CYP19A1: variants seen among roughly 807,000 people sequenced by gnomAD.
The protein encoded by CYP19A1 is aromatase.
In CYP19A1, 32 loss-of-function variants were observed where a neutral mutation model predicts 44.4. The ratio of observed to expected loss-of-function variants is 0.72; its 90% CI spans 0.54 to 0.97. The LOEUF (loss-of-function observed/expected upper bound fraction) is 0.97, where lower values mean the gene tolerates loss of function less well. CYP19A1 is among the 50% of genes least tolerant of loss of function. The probability of loss-of-function intolerance (pLI) is 0.00; values close to 1 mark genes in which losing one functional copy is unlikely to be tolerated. For synonymous variants in CYP19A1, 212 were observed against 215.6 expected (o/e 0.98, Z 0.14); for missense variants, 598 against 637.8 (o/e 0.94, Z 0.67).
intron 1 of CYP19A1, among the ~76,000 whole-genome samples, chr15:51,291,047 T>G (rs1053603409): frequency 2.0e-5 from 3 of 152,362 alleles, no homozygotes; most frequent in African/African-American, 7.2e-5. Context: ...CCCATTGGAT[T>G]CTGTCACTGA....
intron 7 of CYP19A1, 54 bp downstream of exon 7, chr15:51,215,649 C>G (rs1373967165): frequency 6.2e-7 from 1 of 1,613,464 alleles, no homozygotes; most frequent in Non-Finnish European, 8.5e-7. Flanking sequence ...TTACACACCT[C>G]TACACAGTCA....
intron 1 of CYP19A1, chr15:51,313,016 C>A (rs2141013861): frequency 6.6e-6 from 1 of 152,402 alleles, no homozygotes; most frequent in Non-Finnish European, 1.5e-5. Context: ...CACTCTTGCA[C>A]CTTCATGTGG....
intron 1 of CYP19A1, chr15:51,318,736 T>C (rs1049696461): frequency 6.6e-6 from 1 of 152,246 alleles, no homozygotes; most frequent in Non-Finnish European, 1.5e-5. Flanking sequence ...TTTTGTGTCC[T>C]GACTGTGGCT....
intron 1 of CYP19A1, among the ~76,000 whole-genome samples, chr15:51,331,940 CAT>C (rs931200105): frequency 3.3e-5 from 5 of 150,732 alleles, no homozygotes; most frequent in African/African-American, 9.7e-5. Flanking sequence ...TATATACACA[CAT>C]ACACACACAC....
chr15:51,246,204 C>CAGGAATA (rs2141131607), intron 1 of CYP19A1, among the ~76,000 whole-genome samples: 1 of 151,802 alleles, frequency 6.6e-6, no homozygotes, highest in South Asian at 2.1e-4. Flanking sequence ...TAGGAAGGTC[C>CAGGAATA]TAGAACTTGC....
intron 5 of CYP19A1, 176 bp downstream of exon 5, chr15:51,222,173 A>G (rs546619986): frequency 1.7e-6 from 2 of 1,200,050 alleles, no homozygotes; most frequent in East Asian, 5.1e-5. Context: ...ATGGAAATTT[A>G]TATTTTATAA....
intron 8 of CYP19A1, among the ~76,000 whole-genome samples, chr15:51,213,975 T>C (rs1309408803): frequency 6.6e-6 from 1 of 152,230 alleles, no homozygotes; most frequent in Non-Finnish European, 1.5e-5. Context: ...CCTTGCTATC[T>C]ACCTTGCCTG....
chr15:51,282,768 A>G (rs1390655904), intron 1 of CYP19A1, among the ~76,000 whole-genome samples: 1 of 152,200 alleles, frequency 6.6e-6, no homozygotes, highest in African/African-American at 2.4e-5. Flanking sequence ...ATGCATTGTC[A>G]AAGGACACCC....
chr15:51,312,898 T>TG (rs1020690923), intron 1 of CYP19A1: 7 of 152,212 alleles, frequency 4.6e-5, no homozygotes, highest in African/African-American at 1.7e-4. Context: ...CAAGCAGACT[T>TG]GGGGATGGAT....
At chr15:51,245,839 G>T (rs1049987671) in intron 1 of CYP19A1, among the ~76,000 whole-genome samples, 1 of 152,208 alleles carries the variant, frequency 6.6e-6, no homozygotes, top group Non-Finnish European at 1.5e-5. Context: ...AGAAACTGAG[G>T]CCTGGGGCAG....
intron 1 of CYP19A1, among the ~76,000 whole-genome samples, chr15:51,289,140 G>GT (rs1028855450): frequency 4.6e-5 from 7 of 152,180 alleles, no homozygotes; most frequent in African/African-American, 1.7e-4. Flanking sequence ...ATGTGGAATT[G>GT]TTTGAGACAA....
At chr15:51,294,479 G>A (rs1447869284) in intron 1 of CYP19A1, among the ~76,000 whole-genome samples, 17 of 116,446 alleles carry the variant, frequency 1.5e-4, no homozygotes, top group East Asian at 9.1e-4. Flanking sequence ...CCGCCCGGCA[G>A]CTGCCCCGTC....
chr15:51,338,075 T>C (rs1387765804), intron 1 of CYP19A1, among the ~76,000 whole-genome samples: 1 of 152,122 alleles, frequency 6.6e-6, no homozygotes, highest in Admixed American at 6.5e-5. Context: ...AGTTGTCTAA[T>C]AGAGCCTGCC....
chr15:51,242,207 A>G (rs564915684), intron 2 of CYP19A1: 2 of 151,464 alleles, frequency 1.3e-5, no homozygotes, highest in Admixed American at 1.3e-4. Flanking sequence ...TTTTTCTCCC[A>G]CTACCAGGCT....
intron 1 of CYP19A1, among the ~76,000 whole-genome samples, chr15:51,296,170 G>A (rs1175382886): frequency 6.6e-6 from 1 of 152,044 alleles, no homozygotes; most frequent in Non-Finnish European, 1.5e-5. Flanking sequence ...AGGCAAGTCA[G>A]TTGGGGGCCA....
intron 1 of CYP19A1, among the ~76,000 whole-genome samples, chr15:51,262,343 C>T (rs750196849): frequency 6.6e-6 from 1 of 152,234 alleles, no homozygotes; most frequent in South Asian, 2.1e-4. Flanking sequence ...CTGTGAGACC[C>T]CTGATTTCCC....
intron 1 of CYP19A1, among the ~76,000 whole-genome samples, chr15:51,324,397 A>G (rs2036576077): frequency 6.6e-6 from 1 of 152,266 alleles, no homozygotes; most frequent in African/African-American, 2.4e-5. Context: ...CATAGAAATA[A>G]GAGTGAATAA....
chr15:51,263,418 T>C (rs1224337789), intron 1 of CYP19A1, among the ~76,000 whole-genome samples: 2 of 152,154 alleles, frequency 1.3e-5, no homozygotes, highest in African/African-American at 4.8e-5. Context: ...CTATGCATAA[T>C]GGTCAAAAAG....
Position 51,210,988 on chromosome 15 carries a change from C to T in CYP19A1, c.1332G>A (p.Met444Ile). ...TAACGAGGATGGCTTTCATCATCACCATGGCGATGTACTTTCCTGCACAGC... is the reference window on the plus strand; with the variant it reads ...TAACGAGGATGGCTTTCATCATCACTATGGCGATGTACTTTCCTGCACAGC... ...PRGCAGKYIA[M>I]VMMKAILVTL... Residue 444 changes from methionine (M) to isoleucine (I), a missense_variant, in exon 10 of 10, where the codon ATG becomes ATA. Transcript: ENST00000396402. 6.3e-7 allele frequency: 1 copy of T among 1,597,692 alleles called. No individual in the cohort carries two copies. Among genetic ancestry groups the T allele is most frequent in the Non-Finnish European group, 8.6e-7 (1 of 1,164,982 alleles).
Sources: gnomAD v4.1 joint callset for allele counts (sites outside exome capture counted in the v4.1 genomes callset) on GRCh38, gnomAD v4.1.1 for gene constraint, MANE v1.5 for transcripts, NCBI Gene and HGNC (gene_info 2026-07-23, HGNC 2026-07-21) for gene names.